SLC4A9: variants seen among roughly 807,000 people sequenced by gnomAD.
The protein encoded by SLC4A9 is anion exchange protein 4.
SLC4A9 carries 102 observed loss-of-function variants against 103.2 expected under a neutral mutation model. The ratio of observed to expected loss-of-function variants is 0.99; its 90% CI spans 0.84 to 1.17. SLC4A9 has a LOEUF of 1.17. Ranked by LOEUF, SLC4A9 falls within the 50% of genes most tolerant of loss-of-function variation. The probability of loss-of-function intolerance (pLI) is 0.00; values close to 1 mark genes in which losing one functional copy is unlikely to be tolerated. For synonymous variants in SLC4A9, 453 were observed against 483.6 expected, an observed-to-expected ratio of 0.94 and a Z score of 0.83; for missense variants, 1,091 against 1,193.7, an observed-to-expected ratio of 0.91 and a Z score of 1.27.
chr5:140,363,641 G>C lies in SLC4A9; in HGVS notation c.1079+86G>C. The C allele has an allele frequency of 1.3e-6, 2 of 1,580,066 alleles. No homozygotes were observed. Among genetic ancestry groups the C allele is most frequent in the Non-Finnish European group, 1.7e-6 (2 of 1,160,928 alleles). On this transcript the variant is annotated intron_variant, in intron 8 of 21. Coordinates refer to ENST00000506757, the MANE Select transcript of SLC4A9 (RefSeq NM_031467.3). The surrounding 1 kb of genome is among the most constrained non-coding windows in gnomAD (Gnocchi z 4.5). ...AAACTGAGGTGTGTGCTCACTGTGG[G>C]AGGGGCTCACCCGGTCACAGGGAAA...
rs978047925 is a variant in SLC4A9, at chr5:140,372,835, C to T, written c.*37C>T. 6.6e-7 allele frequency: 1 copy of T among 1,517,818 alleles called. No individual in the cohort carries two copies. The highest frequency in any genetic ancestry group is 8.9e-7 in the Non-Finnish European group (1 of 1,125,880). The allele number at this position is 1,517,818 out of a possible 1,614,324, so 94.0% of individuals were successfully genotyped here. A position where few individuals can be genotyped will look rare whatever the true frequency, so the allele number is the denominator to read the frequency against. On this transcript the variant is annotated 3_prime_UTR_variant, in exon 21 of 22. Coordinates refer to ENST00000506757, the MANE Select transcript of SLC4A9 (RefSeq NM_031467.3). ...GTCTGGGAGTGGAGACCCCAGGAAA[C>T]AGCATGAGGTGAGGGTGTGAGGGAA...
At position 140,361,330 on chromosome 5, in the gene SLC4A9, G is replaced by A; in HGVS notation, c.468G>A (p.Gln156=). 6.4e-7 allele frequency: 1 copy of A among 1,564,902 alleles called. No homozygotes were observed. The highest frequency in any genetic ancestry group is 1.2e-5 in the South Asian group (1 of 84,712). ...AGGCCTTGCTGCTGCAGAGACCCCA[G>A]CATTACAACCAGACCACAGGCACCA... The part of the protein sequence containing the change: ...QLQALLLQRP[Q]HYNQTTGTRP... The change falls in exon 3 of 22, where the codon CAG becomes CAA. Residue 156 remains glutamine (Q), a synonymous_variant. Transcript: ENST00000506757.
At position 140,361,828 on chromosome 5, in the gene SLC4A9, G is replaced by A; in HGVS notation, c.526G>A (p.Ala176Thr). 1 of 1,613,994 alleles carries A rather than the reference G, an allele frequency of 6.2e-7. No homozygotes were observed. Among genetic ancestry groups the A allele is most frequent in the South Asian group, 1.1e-5 (1 of 91,082 alleles). ...PCWGSTHPRK[A>T]SDNEEAPLRE... ...TGTAGGCTCTACTCATCCAAGAAAGGCTTCTGACAATGAGGAAGCCCCCCT... is the reference window on the plus strand; with the variant it reads ...TGTAGGCTCTACTCATCCAAGAAAGACTTCTGACAATGAGGAAGCCCCCCT... The change falls in exon 4 of 22, where the codon GCT becomes ACT. Residue 176 changes from alanine (A) to threonine (T), a missense_variant. Physicochemically the swap from Ala to Thr is moderately conservative, Grantham distance 58. Transcript: ENST00000506757.
In SLC4A9 at chr5:140,372,842, A is replaced by C; in HGVS notation, c.*44A>C. On this transcript the variant is annotated splice_region_variant and 3_prime_UTR_variant, in exon 21 of 22. Coordinates refer to ENST00000506757, the MANE Select transcript of SLC4A9 (RefSeq NM_031467.3). ...AGTGGAGACCCCAGGAAACAGCATGAGGTGAGGGTGTGAGGGAAGTGCTCC... is the reference window on the plus strand; with the variant it reads ...AGTGGAGACCCCAGGAAACAGCATGCGGTGAGGGTGTGAGGGAAGTGCTCC... 2.0e-6 allele frequency: 3 copies of C among 1,502,324 alleles called. No individual in the cohort carries two copies. The highest frequency in any genetic ancestry group is 2.7e-6 in the Non-Finnish European group (3 of 1,114,902). 93.1% of individuals were successfully genotyped at this position (1,502,324 alleles called of 1,614,324 possible).
intron 21 of SLC4A9, among the ~76,000 whole-genome samples, chr5:140,374,528 C>T (rs575239190): frequency 4.2e-5 from 5 of 117,756 alleles, no homozygotes; most frequent in South Asian, 2.8e-4. Context: ...CCAGCCTGGG[C>T]GACAAGAGCA....
At chr5:140,370,740 G>A (rs1034920779) in intron 17 of SLC4A9, among the ~76,000 whole-genome samples, 2 of 152,078 alleles carry the variant, frequency 1.3e-5, no homozygotes. Flanking sequence ...GCAAGGGGTA[G>A]GAACAAACTT....
chr5:140,366,085 T>C, intron 13 of SLC4A9, 63 bp downstream of exon 13: 2 of 1,608,604 alleles, frequency 1.2e-6, no homozygotes, highest in Non-Finnish European at 1.7e-6. Context: ...CTATCTGTGA[T>C]GGGAAGTGGT....
rs571480585 is a variant in SLC4A9 at position 140,363,296 on chromosome 5, C to T, written c.963-143C>T. The T allele has an allele frequency of 4.7e-5, 43 of 922,892 alleles. No homozygotes were observed. The highest frequency in any genetic ancestry group is 6.4e-5 in the Non-Finnish European group (39 of 612,866). 57.2% of individuals were successfully genotyped at this position (922,892 alleles called of 1,614,324 possible). A position where few individuals can be genotyped will look rare whatever the true frequency, so the allele number is the denominator to read the frequency against. On this transcript the variant is annotated intron_variant, in intron 7 of 21. Coordinates refer to ENST00000506757, the MANE Select transcript of SLC4A9 (RefSeq NM_031467.3). This position sits in a 1 kb window ranked among gnomAD's most constrained non-coding sequence, Gnocchi z 4.5. ...TCACAGGTCGCAATATGACCTGGAC[C>T]TTCTAGAGGCCCAGGTGTCGCCATG...
chr5:140,363,319 A>T lies in SLC4A9; in HGVS notation c.963-120A>T. ...ACCTTCTAGAGGCCCAGGTGTCGCC[A>T]TGGTTCCCTCGCCGGCAGAGACAAG... On this transcript the variant is annotated intron_variant, in intron 7 of 21. Coordinates refer to ENST00000506757, the MANE Select transcript of SLC4A9 (RefSeq NM_031467.3). The surrounding 1 kb of genome is among the most constrained non-coding windows in gnomAD (Gnocchi z 4.5). 2.0e-6 allele frequency: 2 copies of T among 1,024,712 alleles called. No individual in the cohort carries two copies. The highest frequency in any genetic ancestry group is 1.6e-5 in the African/African-American group (1 of 61,778). 63.5% of individuals were successfully genotyped at this position (1,024,712 alleles called of 1,614,324 possible). A position where few individuals can be genotyped will look rare whatever the true frequency, so the allele number is the denominator to read the frequency against.
intron 11 of SLC4A9, among the ~76,000 whole-genome samples, chr5:140,365,021 A>G (rs1368341351): frequency 1.3e-5 from 2 of 152,242 alleles, no homozygotes; most frequent in African/African-American, 2.4e-5. Flanking sequence ...GGGCAGGGCC[A>G]GGTATGCCCA....
intron 1 of SLC4A9, 82 bp downstream of exon 1, chr5:140,360,548 T>C: frequency 7.6e-7 from 1 of 1,322,524 alleles, no homozygotes; most frequent in Non-Finnish European, 1.0e-6. Flanking sequence ...GCGCTTCTTA[T>C]GGGGCTGCCC....
chr5:140,365,796 A>G (rs1767785847), intron 12 of SLC4A9, 38 bp from the exon 13 acceptor site: 1 of 1,590,900 alleles, frequency 6.3e-7, no homozygotes. Flanking sequence ...CATTTACTCC[A>G]TTGCCTATAA....
At position 140,362,580 on chromosome 5, in the gene SLC4A9, G is replaced by C. The variant is rs749388374; in HGVS notation, c.807+48G>C. 3 of 1,505,558 alleles carry C rather than the reference G, an allele frequency of 2.0e-6. No homozygotes were observed. In the South Asian group the frequency reaches 3.4e-5, roughly 17 times the overall value. 93.3% of individuals were successfully genotyped at this position (1,505,558 alleles called of 1,614,324 possible). Reference sequence around the variant, plus strand: ...TGTGCGCGCGCACGCGTGCATGCCTGTGTGTGTGTGCACACATGCATACAT... The same window carrying C: ...TGTGCGCGCGCACGCGTGCATGCCTCTGTGTGTGTGCACACATGCATACAT... On this transcript the variant is annotated intron_variant, in intron 6 of 21. Coordinates refer to ENST00000506757, the MANE Select transcript of SLC4A9 (RefSeq NM_031467.3).
Position 140,363,626 on chromosome 5 carries a change from G to A in SLC4A9, c.1079+71G>A. 3 of 1,567,736 alleles carry A rather than the reference G, an allele frequency of 1.9e-6. No homozygotes were observed. The highest frequency in any genetic ancestry group is 2.6e-6 in the Non-Finnish European group (3 of 1,153,996). ...GGAGGAGTCACAGGGAAACTGAGGT[G>A]TGTGCTCACTGTGGGAGGGGCTCAC... is the stretch of plus-strand genomic sequence containing the variant. On this transcript the variant is annotated intron_variant, in intron 8 of 21. Transcript: ENST00000506757. This position sits in a 1 kb window ranked among gnomAD's most constrained non-coding sequence, Gnocchi z 4.5.
rs1430017618 is a variant in SLC4A9, at chr5:140,362,534, T to C, written c.807+2T>C. On this transcript the variant is annotated splice_donor_variant, in intron 6 of 21. Transcript: ENST00000506757. LOFTEE classifies it high-confidence loss of function. Reference sequence around the variant, plus strand: ...GCAGCTGTCCTCCTCAGTGACCCGGTGAGCTGAGCAGGTGTGTGTGTGTGC... The same window carrying C: ...GCAGCTGTCCTCCTCAGTGACCCGGCGAGCTGAGCAGGTGTGTGTGTGTGC... The C allele has an allele frequency of 3.1e-6, 5 of 1,613,658 alleles. No individual in the cohort carries two copies. Among genetic ancestry groups the C allele is most frequent in the Non-Finnish European group, 3.4e-6 (4 of 1,179,626 alleles).
At position 140,362,234 on chromosome 5, in the gene SLC4A9, G is replaced by A; in HGVS notation, c.719+60G>A. 9 of 1,438,204 alleles carry A rather than the reference G, an allele frequency of 6.3e-6. No homozygotes were observed. The South Asian group carries it at 1.3e-4, about 21-fold the overall frequency. 89.1% of individuals were successfully genotyped at this position (1,438,204 alleles called of 1,614,324 possible). A position where few individuals can be genotyped will look rare whatever the true frequency, so the allele number is the denominator to read the frequency against. ...CAGAACCTAGAAGGGTCTTTACTGA[G>A]GAGGGGAAGGAGGGTCTCAGTCTGA... On this transcript the variant is annotated intron_variant, in intron 5 of 21. Coordinates refer to ENST00000506757, the MANE Select transcript of SLC4A9 (RefSeq NM_031467.3).
intron 6 of SLC4A9, 50 bp from the exon 7 acceptor site, chr5:140,362,862 G>A (rs1561578350): frequency 6.2e-7 from 1 of 1,611,646 alleles, no homozygotes; most frequent in Non-Finnish European, 8.5e-7. Context: ...GAAAATGCAT[G>A]TAAGAGACCA....
chr5:140,366,256 G>C lies in SLC4A9; in HGVS notation c.2005G>C (p.Glu669Gln). ...CACACCAAAGCTCATGGTACCCAGA[G>C]AGTTCAAGGTGAGAGCCAGGGAAGA... Reference protein sequence around the residue: ...LATPKLMVPREFKPTLPGRGW... With the variant: ...LATPKLMVPRQFKPTLPGRGW... The change falls in exon 14 of 22, where the codon GAG becomes CAG. Residue 669 changes from glutamate to glutamine, a missense_variant. Physicochemically the swap from Glu to Gln is conservative, Grantham distance 29 (BLOSUM62 2). Transcript: ENST00000506757. 6.3e-7 allele frequency: 1 copy of C among 1,591,198 alleles called. No individual in the cohort carries two copies. The highest frequency in any genetic ancestry group is 8.6e-7 in the Non-Finnish European group (1 of 1,168,122).
rs764309027 is a variant in SLC4A9 at position 140,367,741 on chromosome 5, G to C, written c.2197G>C (p.Asp733His). Residue 733 changes from aspartate (D) to histidine (H), a missense_variant, in exon 16 of 22, where the codon GAC becomes CAC. Physicochemically the swap from Asp to His is moderately conservative, Grantham distance 81. Coordinates refer to ENST00000506757, the MANE Select transcript of SLC4A9 (RefSeq NM_031467.3). ...GCAGAAGGGAGCTGGCTTCCACCTG[G>C]ACCTCTTCTGTGTGGCTGTGCTGAT... ...RLQKGAGFHLDLFCVAVLMLL... is the reference protein window; with the variant it reads ...RLQKGAGFHLHLFCVAVLMLL... 3.7e-6 allele frequency: 6 copies of C among 1,613,834 alleles called. No individual in the cohort carries two copies. In the Admixed American group the frequency reaches 8.3e-5, roughly 22 times the overall value.
Sources: allele counts gnomAD v4.1 joint callset (sites outside exome capture counted in the v4.1 genomes callset), GRCh38; gene constraint gnomAD v4.1.1; non-coding constraint Gnocchi (gnomAD v3.1); transcripts MANE v1.5; gene names NCBI Gene and HGNC (gene_info 2026-07-23, HGNC 2026-07-21).